MOCS2: variants seen among roughly 807,000 people sequenced by gnomAD.
MOCS2 encodes the protein molybdenum cofactor synthesis 2, also known as molybdopterin synthase catalytic subunit.
In MOCS2, 13 loss-of-function variants were observed where a neutral mutation model predicts 21.9. The ratio of observed to expected loss-of-function variants is 0.59; its 90% CI spans 0.39 to 0.94. The LOEUF (loss-of-function observed/expected upper bound fraction) is 0.94. Among genes scored for constraint, MOCS2 ranks in the 40% least tolerant of loss-of-function variants. The probability of loss-of-function intolerance (pLI) is 0.00; values close to 1 mark genes in which losing one functional copy is unlikely to be tolerated. For missense variants in MOCS2, 227 were observed against 218.3 expected (o/e 1.04, Z -0.25); for synonymous variants, 92 against 80.8 (o/e 1.14, Z -0.74).
In MOCS2 at chr5:53,107,070, C is replaced by T. The variant is rs372500017; in HGVS notation, c.98+7G>A. The T allele has an allele frequency of 9.8e-5, 158 of 1,613,890 alleles. No individual in the cohort carries two copies. Among genetic ancestry groups the T allele is most frequent in the Non-Finnish European group, 1.3e-4 (153 of 1,179,988 alleles). ...ACGACTGATTAAGAAAAACAAATCT[C>T]ACATACCTAGATGGCTCAAAAGCAC... On this transcript the variant is annotated splice_region_variant and intron_variant, in intron 3 of 6. Transcript: ENST00000396954.
intron 3 of MOCS2, among the ~76,000 whole-genome samples, chr5:53,106,369 TAAGA>T (rs1741049600): frequency 6.6e-6 from 1 of 152,156 alleles, no homozygotes; most frequent in Non-Finnish European, 1.5e-5. Flanking sequence ...TATGCAGCCA[TAAGA>T]AAGAACGAGA....
intron 4 of MOCS2, 109 bp from the exon 5 acceptor site, chr5:53,101,618 TAAAC>T (rs1740912072): frequency 1.2e-6 from 1 of 820,894 alleles, no homozygotes; most frequent in South Asian, 1.7e-5. Context: ...AAATTAATAG[TAAAC>T]AAGCAGCATA....
At position 53,109,634 on chromosome 5, in the gene MOCS2, A is replaced by G. The variant is rs1741154647; in HGVS notation, c.-553T>C. On this transcript the variant is annotated 5_prime_UTR_variant, in exon 1 of 7. Coordinates refer to ENST00000396954, the MANE Select transcript of MOCS2 (RefSeq NM_004531.5). The stretch of plus-strand genomic sequence containing the variant: ...GAGGTCCGACTGACCAAGGCTGGGT[A>G]TGTGGAGGGAAAGGGCGGGAGAGAC... 1 of 1,543,090 alleles carries G rather than the reference A, an allele frequency of 6.5e-7. No homozygotes were observed. The highest frequency in any genetic ancestry group is 8.7e-7 in the Non-Finnish European group (1 of 1,143,182).
At position 53,098,356 on chromosome 5, in the gene MOCS2, T is replaced by C; in HGVS notation, c.*246A>G. On this transcript the variant is annotated 3_prime_UTR_variant, in exon 7 of 7. Coordinates refer to ENST00000396954, the MANE Select transcript of MOCS2 (RefSeq NM_004531.5). The stretch of plus-strand genomic sequence containing the variant: ...CATGGAAGGACATGTCTACCACAGA[T>C]ATCTTTCCTCACATTTAAATTATTC... 1.9e-6 allele frequency: 1 copy of C among 536,514 alleles called. No homozygotes were observed. The highest frequency in any genetic ancestry group is 3.3e-6 in the Non-Finnish European group (1 of 299,528). 33.2% of individuals were successfully genotyped at this position (536,514 alleles called of 1,614,324 possible). A position where few individuals can be genotyped will look rare whatever the true frequency, so the allele number is the denominator to read the frequency against.
Position 53,109,588 on chromosome 5 carries a change from G to A in MOCS2, c.-507C>T, listed in dbSNP as rs1315383412. The A allele has an allele frequency of 1.3e-5, 19 of 1,443,978 alleles. No homozygotes were observed. Among genetic ancestry groups the A allele is most frequent in the Middle Eastern group, 2.2e-4 (1 of 4,474 alleles). The allele number at this position is 1,443,978 out of a possible 1,614,324, so 89.4% of individuals were successfully genotyped here. On this transcript the variant is annotated 5_prime_UTR_variant, in exon 1 of 7. Coordinates refer to ENST00000396954, the MANE Select transcript of MOCS2 (RefSeq NM_004531.5). Reference sequence around the variant, plus strand: ...GGGCGCCCCCGAACCCAAGACGCCGGCCAGGTTGGGGGCTAGTGGGGAGGT... The same window carrying A: ...GGGCGCCCCCGAACCCAAGACGCCGACCAGGTTGGGGGCTAGTGGGGAGGT...
chr5:53,107,622 A>C (rs977628831), intron 2 of MOCS2: 3 of 174,794 alleles, frequency 1.7e-5, no homozygotes, highest in African/African-American at 7.2e-5. Flanking sequence ...TGTACACATT[A>C]TCCTACTCGA....
At position 53,109,490 on chromosome 5, in the gene MOCS2, GGA is replaced by G; in HGVS notation, c.-411_-410del. On this transcript the variant is annotated 5_prime_UTR_variant, in exon 1 of 7. Coordinates refer to ENST00000396954, the MANE Select transcript of MOCS2 (RefSeq NM_004531.5). The stretch of plus-strand genomic sequence containing the variant: ...CTGCCGTGAGCTGACAAGAGTTCTC[GGA>G]GAGGACCCGACTTCTGCTGGGGCAG... The G allele has an allele frequency of 7.5e-7, 1 of 1,328,772 alleles. No individual in the cohort carries two copies. The highest frequency in any genetic ancestry group is 9.6e-7 in the Non-Finnish European group (1 of 1,040,866). The allele number at this position is 1,328,772 out of a possible 1,614,324, so 82.3% of individuals were successfully genotyped here. A position where few individuals can be genotyped will look rare whatever the true frequency, so the allele number is the denominator to read the frequency against.
rs886060696 is a variant in MOCS2 at position 53,109,723 on chromosome 5, G to A, written c.-642C>T. 28 of 1,551,428 alleles carry A rather than the reference G, an allele frequency of 1.8e-5. No homozygotes were observed. Among genetic ancestry groups the A allele is most frequent in the Non-Finnish European group, 2.2e-5 (25 of 1,147,638 alleles). ...CCCGCCACCCTTACCTGGCACAGCG[G>A]CACCATCCCGCCTAGGACAGCGGGA... On this transcript the variant is annotated 5_prime_UTR_variant, in exon 1 of 7. Coordinates refer to ENST00000396954, the MANE Select transcript of MOCS2 (RefSeq NM_004531.5).
In MOCS2 at chr5:53,101,388, G is replaced by C; in HGVS notation, c.348C>G (p.Val116=). The C allele has an allele frequency of 6.2e-7, 1 of 1,613,820 alleles. No individual in the cohort carries two copies. The highest frequency in any genetic ancestry group is 8.5e-7 in the Non-Finnish European group (1 of 1,179,856). ...ICSDIRQKWP[V]KHIAVFHRLG... ...GTCTATGGAACACTGCTATGTGTTT[G>C]ACTGGCCATTTCTGCCTAATGTCAC... is the stretch of plus-strand genomic sequence containing the variant. The change falls in exon 5 of 7, where the codon GTC becomes GTG. Residue 116 remains valine, a synonymous_variant. Coordinates refer to ENST00000396954, the MANE Select transcript of MOCS2 (RefSeq NM_004531.5).
intron 5 of MOCS2, chr5:53,101,152 C>T (rs1561173510): frequency 6.5e-6 from 4 of 612,138 alleles, no homozygotes; most frequent in South Asian, 4.0e-5. Context: ...GTTACAGCAA[C>T]AGAGGCAACA....
chr5:53,101,298 A>T, intron 5 of MOCS2, 61 bp downstream of exon 5: 4 of 1,447,716 alleles, frequency 2.8e-6, no homozygotes, highest in Non-Finnish European at 3.9e-6. Context: ...CAAGAATCAG[A>T]GTTAGTACAA....
chr5:53,098,187 T>G lies in MOCS2; in HGVS notation c.*415A>C, dbSNP rs897563983. ...TCCAGTTCTGCCAACATTCCTGTCA[T>G]GCATCCTTAATAACAATGCTCTCCC... is the stretch of plus-strand genomic sequence containing the variant. On this transcript the variant is annotated 3_prime_UTR_variant, in exon 7 of 7. Coordinates refer to ENST00000396954, the MANE Select transcript of MOCS2 (RefSeq NM_004531.5). The G allele has an allele frequency of 5.5e-6, 1 of 181,168 alleles. No individual in the cohort carries two copies. Among genetic ancestry groups the G allele is most frequent in the African/African-American group, 2.5e-5 (1 of 40,238 alleles). 11.2% of individuals were successfully genotyped at this position (181,168 alleles called of 1,614,324 possible).
In MOCS2 at chr5:53,096,183, C is replaced by T. The variant is rs934381017; in HGVS notation, c.*2419G>A. The stretch of plus-strand genomic sequence containing the variant: ...TCATTCTTGAGAGATCTTCACTGTA[C>T]CAGGTGCTCAGTAACTGTGTAAGAT... On this transcript the variant is annotated 3_prime_UTR_variant, in exon 7 of 7. Transcript: ENST00000396954. The T allele has an allele frequency of 6.6e-6, 1 of 152,152 alleles. No individual in the cohort carries two copies. The highest frequency in any genetic ancestry group is 1.5e-5 in the Non-Finnish European group (1 of 68,022). The allele number at this position is 152,152 out of a possible 1,614,324, so 9.4% of individuals were successfully genotyped here.
In MOCS2 at chr5:53,107,121, C is replaced by T. The variant is rs771571637; in HGVS notation, c.54G>A (p.Pro18=). The change falls in exon 3 of 7, where the codon CCG becomes CCA. Residue 18 remains proline (P), a synonymous_variant. Coordinates refer to ENST00000396954, the MANE Select transcript of MOCS2 (RefSeq NM_004531.5). ...SSCFSLETKL[P]LSPPLVEDSA... ...TATCCTCCACTAATGGGGGGGATAA[C>T]GGCAATTTCGTCTCCAGGCTGAAGC... The T allele has an allele frequency of 1.5e-5, 24 of 1,613,940 alleles. No homozygotes were observed. Among genetic ancestry groups the T allele is most frequent in the East Asian group, 2.2e-5 (1 of 44,878 alleles).
intron 6 of MOCS2, among the ~76,000 whole-genome samples, chr5:53,098,904 C>T (rs1740829699): frequency 6.6e-6 from 1 of 152,016 alleles, no homozygotes; most frequent in Non-Finnish European, 1.5e-5. Context: ...TCTAAATATG[C>T]TTTTCCAAAG....
intron 4 of MOCS2, 70 bp downstream of exon 4, chr5:53,102,027 G>T: frequency 6.6e-7 from 1 of 1,524,452 alleles, no homozygotes; most frequent in South Asian, 1.1e-5. Context: ...CGTTAACACT[G>T]AACATGGAAA....
rs1270054174 is a variant in MOCS2 at position 53,096,475 on chromosome 5, A to T, written c.*2127T>A. The stretch of plus-strand genomic sequence containing the variant: ...AAAGTGACCAAGAAACACTGCAGGC[A>T]ATCTGATTAAAGGCTAATTATTTTT... On this transcript the variant is annotated 3_prime_UTR_variant, in exon 7 of 7. Coordinates refer to ENST00000396954, the MANE Select transcript of MOCS2 (RefSeq NM_004531.5). The T allele has an allele frequency of 6.6e-6, 1 of 152,242 alleles. No homozygotes were observed. The highest frequency in any genetic ancestry group is 1.5e-5 in the Non-Finnish European group (1 of 68,040). 9.4% of individuals were successfully genotyped at this position (152,242 alleles called of 1,614,324 possible). A position where few individuals can be genotyped will look rare whatever the true frequency, so the allele number is the denominator to read the frequency against.
In MOCS2 at chr5:53,098,548, T is replaced by C; in HGVS notation, c.*54A>G. The C allele has an allele frequency of 6.8e-7, 1 of 1,476,492 alleles. No individual in the cohort carries two copies. The highest frequency in any genetic ancestry group is 9.5e-7 in the Non-Finnish European group (1 of 1,055,020). The allele number at this position is 1,476,492 out of a possible 1,614,324, so 91.5% of individuals were successfully genotyped here. A position where few individuals can be genotyped will look rare whatever the true frequency, so the allele number is the denominator to read the frequency against. Reference sequence around the variant, plus strand: ...TGGAGAGAAAAAAATCAAAATGTGATCAATAATAATAGTTTAACAAAGTTA... The same window carrying C: ...TGGAGAGAAAAAAATCAAAATGTGACCAATAATAATAGTTTAACAAAGTTA... On this transcript the variant is annotated 3_prime_UTR_variant, in exon 7 of 7. Coordinates refer to ENST00000396954, the MANE Select transcript of MOCS2 (RefSeq NM_004531.5).
At position 53,098,343 on chromosome 5, in the gene MOCS2, T is replaced by A. The variant is rs1740808198; in HGVS notation, c.*259A>T. 2.0e-6 allele frequency: 1 copy of A among 502,094 alleles called. No homozygotes were observed. The highest frequency in any genetic ancestry group is 3.6e-6 in the Non-Finnish European group (1 of 279,012). The allele number at this position is 502,094 out of a possible 1,614,324, so 31.1% of individuals were successfully genotyped here. A position where few individuals can be genotyped will look rare whatever the true frequency, so the allele number is the denominator to read the frequency against. On this transcript the variant is annotated 3_prime_UTR_variant, in exon 7 of 7. Transcript: ENST00000396954. ...ATTAGAAATTAGTCATGGAAGGACA[T>A]GTCTACCACAGATATCTTTCCTCAC...
Sources: gnomAD v4.1 joint callset for allele counts (sites outside exome capture counted in the v4.1 genomes callset) on GRCh38, gnomAD v4.1.1 for gene constraint, MANE v1.5 for transcripts, NCBI Gene and HGNC (gene_info 2026-07-23, HGNC 2026-07-21) for gene names.